Variants in RFC1 observed in about 807,000 individuals in gnomAD.
RFC1 encodes replication factor C subunit 1.
In RFC1, 37 loss-of-function variants were observed where a neutral mutation model predicts 137.4. The ratio of observed to expected loss-of-function variants is 0.27; its 90% confidence interval spans 0.21 to 0.35. RFC1 has a LOEUF of 0.35. RFC1 is among the 10% of genes least tolerant of loss of function. The pLI is 1.00. For missense variants in RFC1, 1,205 were observed against 1,358.5 expected, an observed-to-expected ratio of 0.89 and a Z score of 1.78; for synonymous variants, 429 against 455.7, an observed-to-expected ratio of 0.94 and a Z score of 0.75.
At chr4:39,295,817 A>G in intron 21 of RFC1, 58 bp from the exon 22 acceptor site, 1 of 1,511,082 alleles carries the variant, frequency 6.6e-7, no homozygotes, top group Non-Finnish European at 9.0e-7. Flanking sequence ...TACTTCCTTA[A>G]TAGTCATTGG....
At chr4:39,298,840 C>T (rs770310433) in intron 21 of RFC1, among the ~76,000 whole-genome samples, 19 of 152,106 alleles carry the variant, frequency 1.2e-4, no homozygotes, top group Non-Finnish European at 2.8e-4. Flanking sequence ...CAGATTGGGC[C>T]GGGCGCAGTG....
intron 9 of RFC1, among the ~76,000 whole-genome samples, chr4:39,318,527 T>C (rs1248848507): frequency 6.6e-6 from 1 of 152,252 alleles, no homozygotes; most frequent in Non-Finnish European, 1.5e-5. Context: ...ACTAAATGTA[T>C]TAAATAGACT....
chr4:39,319,653 A>G (rs553815153), intron 9 of RFC1, among the ~76,000 whole-genome samples: 1 of 152,332 alleles, frequency 6.6e-6, no homozygotes, highest in Non-Finnish European at 1.5e-5. Context: ...ACTAACACAT[A>G]GCACCAAAAT....
chr4:39,342,584 C>CT, intron 3 of RFC1, 117 bp from the exon 4 acceptor site: 1 of 950,002 alleles, frequency 1.1e-6, no homozygotes, highest in Non-Finnish European at 1.5e-6. Flanking sequence ...CACATGTCTT[C>CT]TGTGAATTCT....
At chr4:39,345,503 C>G (rs755193373) in intron 2 of RFC1, 27 bp from the exon 3 acceptor site, 9 of 1,543,474 alleles carry the variant, frequency 5.8e-6, no homozygotes, top group African/African-American at 1.4e-5. Flanking sequence ...ATAATTAGAA[C>G]ATAAAGAAGC....
At chr4:39,365,333 G>A (rs1741973175) in intron 1 of RFC1, 1 of 313,550 alleles carries the variant, frequency 3.2e-6, no homozygotes, top group African/African-American at 2.2e-5. Flanking sequence ...CCAGAATGTT[G>A]TCACTGTGAC....
At chr4:39,365,593 G>T in intron 1 of RFC1, 1 of 485,632 alleles carries the variant, frequency 2.1e-6, no homozygotes, top group Non-Finnish European at 2.7e-6. Context: ...GAGGATGACA[G>T]CTGTCAAATG....
At chr4:39,328,143 C>T (rs1739877104) in intron 4 of RFC1, among the ~76,000 whole-genome samples, 5 of 150,740 alleles carry the variant, frequency 3.3e-5, no homozygotes, top group Admixed American at 2.7e-4. Flanking sequence ...ACAAAATAAA[C>T]ATCCAAGAAC....
intron 1 of RFC1, among the ~76,000 whole-genome samples, chr4:39,355,128 CACACACACAA>C (rs2109767282): frequency 8.9e-6 from 1 of 112,242 alleles, no homozygotes; most frequent in East Asian, 3.2e-4. Context: ...CACACACACA[CACACACACAA>C]CAGGCCAGGT....
At position 39,300,279 on chromosome 4, in the gene RFC1, C is replaced by T. The variant is rs890880662; in HGVS notation, c.2671G>A (p.Val891Met). 4.3e-6 allele frequency: 7 copies of T among 1,613,986 alleles called. No individual in the cohort carries two copies. The highest frequency in any genetic ancestry group is 2.2e-5 in the East Asian group (1 of 44,888). ...PLFVQENYIH[V>M]KPVAAGGDMK... is the part of the protein sequence containing the mutation. ...ACTCACCCTGCTGCTACAGGCTTCA[C>T]GTGTATGTAATTTTCCTGGACGAAG... Residue 891 changes from valine to methionine, a missense_variant, in exon 20 of 25, where the codon GTG becomes ATG. Physicochemically the swap from Val to Met is conservative, Grantham distance 21. Coordinates refer to ENST00000349703, the MANE Select transcript of RFC1 (RefSeq NM_002913.5).
intron 2 of RFC1, among the ~76,000 whole-genome samples, chr4:39,348,426 A>AGGGACGGGACGGG (rs1560619794): frequency 2.8e-5 from 1 of 35,672 alleles, no homozygotes; most frequent in Non-Finnish European, 7.3e-5. Flanking sequence ...CTGTTTCAAA[A>AGGGACGGGACGGG]AAGAAAAGAA....
chr4:39,337,170 TTCGAGACC>T (rs1740395696), intron 4 of RFC1, among the ~76,000 whole-genome samples: 5 of 151,594 alleles, frequency 3.3e-5, no homozygotes, highest in African/African-American at 2.4e-5. Flanking sequence ...AGGTCGGGAG[TTCGAGACC>T]AGCCTGACCA....
chr4:39,305,612 C>CA (rs1234102237), intron 14 of RFC1, among the ~76,000 whole-genome samples: 2 of 151,442 alleles, frequency 1.3e-5, no homozygotes, highest in Non-Finnish European at 3.0e-5. Flanking sequence ...TGTCTCAAAA[C>CA]AAAAAAATAA....
chr4:39,295,809 CT>C, intron 21 of RFC1, 50 bp from the exon 22 acceptor site: 1 of 1,555,026 alleles, frequency 6.4e-7, no homozygotes, highest in Non-Finnish European at 8.8e-7. Context: ...TACAAAGTTA[CT>C]TCCTTAATAG....
In RFC1 at chr4:39,337,435, AGTGTGTGTGTGT is replaced by A. The variant is rs71921435; in HGVS notation, c.331+4898_331+4909del. On this transcript the variant is annotated intron_variant, in intron 4 of 24. Coordinates refer to ENST00000349703, the MANE Select transcript of RFC1 (RefSeq NM_002913.5). The stretch of plus-strand genomic sequence containing the variant: ...TTTACAATAAGATGCTACTCAAATA[AGTGTGTGTGTGT>A]GTGTGTGTGTGTGTGTGTGTGTGTG... Among the ~76,000 whole-genome samples the A allele has an allele frequency of 5.9e-4, 85 of 143,698 alleles. No homozygotes were observed. In the South Asian group the frequency reaches 0.013, roughly 23 times the overall value. The allele number at this position is 143,698 out of a possible 152,430, so 94.3% of individuals were successfully genotyped here.
In RFC1 at chr4:39,321,360, T is replaced by C. The variant is rs767508762; in HGVS notation, c.735A>G (p.Thr245=). 4 of 1,613,654 alleles carry C rather than the reference T, an allele frequency of 2.5e-6. No individual in the cohort carries two copies. Among genetic ancestry groups the C allele is most frequent in the African/African-American group, 2.7e-5 (2 of 74,930 alleles). ...CAGATGAAAACGTTTCTCCCGCTTCTGTGTCCTTTCGAGCCTAAACAAATT... is the reference window on the plus strand; with the variant it reads ...CAGATGAAAACGTTTCTCCCGCTTCCGTGTCCTTTCGAGCCTAAACAAATT... ...EPKTKKARKD[T]EAGETFSSVQ... is the part of the protein sequence containing the mutation. The change falls in exon 8 of 25, where the codon ACA becomes ACG. Residue 245 remains threonine, a synonymous_variant. Transcript: ENST00000349703.
At chr4:39,299,574 C>A (rs1578109008) in intron 21 of RFC1, among the ~76,000 whole-genome samples, 3 of 139,122 alleles carry the variant, frequency 2.2e-5, no homozygotes, top group African/African-American at 8.3e-5. Flanking sequence ...GATCACGCCA[C>A]GGCACTCCAG....
intron 12 of RFC1, 38 bp from the exon 13 acceptor site, chr4:39,309,070 T>C: frequency 6.4e-7 from 1 of 1,550,484 alleles, no homozygotes; most frequent in East Asian, 2.2e-5. Flanking sequence ...AGAAACCTGA[T>C]GAAACATACA....
chr4:39,332,077 G>A (rs1054235877), intron 4 of RFC1, among the ~76,000 whole-genome samples: 9 of 152,178 alleles, frequency 5.9e-5, no homozygotes, highest in Admixed American at 3.3e-4. Context: ...CACTTGAGAC[G>A]TGCCTTTCAC....
Sources: allele counts gnomAD v4.1 joint callset (sites outside exome capture counted in the v4.1 genomes callset), GRCh38; gene constraint gnomAD v4.1.1; transcripts MANE v1.5; gene names NCBI Gene and HGNC (gene_info 2026-07-23, HGNC 2026-07-21).